The following DLC1 variants were observed in gnomAD, a reference collection of about 807,000 sequenced individuals.
The protein encoded by DLC1 is DLC1 Rho GTPase activating protein.
DLC1 carries 54 observed loss-of-function variants against 140.3 expected under a neutral mutation model. The ratio of observed to expected loss-of-function variants is 0.38; its 90% CI spans 0.31 to 0.48. DLC1 has a LOEUF of 0.48. Among genes scored for constraint, DLC1 ranks in the 20% least tolerant of loss-of-function variants. The pLI, the probability that DLC1 is intolerant of heterozygous loss-of-function variation, is 0.96. For missense variants in DLC1, 2,536 were observed against 1,907.0 expected, an observed-to-expected ratio of 1.33 and a Z score of -6.14; for synonymous variants, 986 against 728.1, an observed-to-expected ratio of 1.35 and a Z score of -5.70.
intron 1 of DLC1, among the ~76,000 whole-genome samples, chr8:13,506,393 C>A (rs1470047816): frequency 2.6e-5 from 4 of 151,312 alleles, no homozygotes; most frequent in Non-Finnish European, 1.5e-5. Flanking sequence ...CATAACAGTA[C>A]TGCCATTTTA....
chr8:13,312,386 A>AAAAAAAAAAAAATAAT (rs71207139), intron 4 of DLC1, among the ~76,000 whole-genome samples: 29 of 81,704 alleles, frequency 3.5e-4, no homozygotes, highest in Non-Finnish European at 5.3e-4. Context: ...AAAAAAAAAA[A>AAAAAAAAAAAAATAAT]AATAATTTCT....
intron 2 of DLC1, among the ~76,000 whole-genome samples, chr8:13,402,476 GCA>G (rs1837340420): frequency 6.6e-6 from 1 of 152,182 alleles, no homozygotes; most frequent in African/African-American, 2.4e-5. Flanking sequence ...ACTGTAGAAA[GCA>G]CAGTTAGGTT....
chr8:13,279,145 G>T (rs544791860), intron 5 of DLC1, among the ~76,000 whole-genome samples: 17 of 152,298 alleles, frequency 1.1e-4, no homozygotes, highest in Non-Finnish European at 2.5e-4. Flanking sequence ...AGGACCTAGG[G>T]TGTGGCAGAA....
intron 5 of DLC1, among the ~76,000 whole-genome samples, chr8:13,171,781 G>C (rs1002989562): frequency 6.6e-6 from 1 of 152,206 alleles, no homozygotes; most frequent in Non-Finnish European, 1.5e-5. Flanking sequence ...CTTGCGGAGG[G>C]TATAGCTAGA....
intron 5 of DLC1, among the ~76,000 whole-genome samples, chr8:13,278,124 G>C (rs1831240737): frequency 6.6e-6 from 1 of 152,200 alleles, no homozygotes; most frequent in South Asian, 2.1e-4. Flanking sequence ...CTTCATGGTA[G>C]ATATCCACGT....
chr8:13,258,300 C>G (rs1322417446), intron 5 of DLC1, among the ~76,000 whole-genome samples: 1 of 152,154 alleles, frequency 6.6e-6, no homozygotes, highest in Non-Finnish European at 1.5e-5. Context: ...TACTCTGAAT[C>G]TCTTGAAGTA....
chr8:13,527,234 T>C (rs949035271), intron 1 of DLC1, among the ~76,000 whole-genome samples: 2 of 152,200 alleles, frequency 1.3e-5, no homozygotes, highest in Non-Finnish European at 2.9e-5. Context: ...AAAATGTAGA[T>C]GATGTTGAAG....
At chr8:13,139,182 T>C (rs1204691611) in intron 5 of DLC1, among the ~76,000 whole-genome samples, 1 of 147,598 alleles carries the variant, frequency 6.8e-6, no homozygotes, top group Non-Finnish European at 1.5e-5. Flanking sequence ...CCCAGCTACT[T>C]GGGAGGCTGA....
At chr8:13,530,822 A>T (rs914681704) in intron 1 of DLC1, among the ~76,000 whole-genome samples, 1 of 152,206 alleles carries the variant, frequency 6.6e-6, no homozygotes, top group Admixed American at 6.5e-5. Context: ...TTCATTTCGG[A>T]GTCATGAAAT....
chr8:13,413,166 A>C (rs1837866313), intron 2 of DLC1, among the ~76,000 whole-genome samples: 1 of 151,482 alleles, frequency 6.6e-6, no homozygotes, highest in African/African-American at 2.4e-5. Context: ...CACTACACGA[A>C]GCTTTTCCAA....
rs1048997392 is a variant in DLC1, at chr8:13,382,364, G to A, written c.1314+11189C>T. Reference sequence around the variant, plus strand: ...CTACTAAAAATACAAAAAATTAGCCGGGCGAGGTGGCGGGCGCCTGTAGTC... The same window carrying A: ...CTACTAAAAATACAAAAAATTAGCCAGGCGAGGTGGCGGGCGCCTGTAGTC... On this transcript the variant is annotated intron_variant, in intron 4 of 17. Coordinates refer to ENST00000276297, the MANE Select transcript of DLC1 (RefSeq NM_182643.3). Among the ~76,000 whole-genome samples the A allele has an allele frequency of 1.3e-4, 20 of 151,080 alleles. No homozygotes were observed. In the East Asian group the frequency reaches 3.7e-3, roughly 28 times the overall value.
chr8:13,591,627 G>A (rs1428148536), intron 1 of DLC1, among the ~76,000 whole-genome samples: 4 of 152,126 alleles, frequency 2.6e-5, no homozygotes, highest in African/African-American at 7.2e-5. Context: ...ATAAATATTA[G>A]GAGTGTTTTT....
At chr8:13,277,110 C>A (rs190644429) in intron 5 of DLC1, among the ~76,000 whole-genome samples, 1 of 152,216 alleles carries the variant, frequency 6.6e-6, no homozygotes, top group African/African-American at 2.4e-5. Flanking sequence ...CACTTGAGGC[C>A]AGGAGCTTGA....
In DLC1 at chr8:13,099,910, G is replaced by A; in HGVS notation, c.2427C>T (p.Ile809=). Residue 809 remains isoleucine, a synonymous_variant, in exon 9 of 18, where the codon ATC becomes ATT. Transcript: ENST00000276297. ...AAGTGCCAGGCTTGTGATCTTCAGG[G>A]ATGTAGAACACCGTGTCCTCTGGGT... ...ESYPEDTVFY[I]PEDHKPGTFP... 6.2e-7 allele frequency: 1 copy of A among 1,614,058 alleles called. No individual in the cohort carries two copies.
intron 5 of DLC1, among the ~76,000 whole-genome samples, chr8:13,154,319 C>G (rs1397664890): frequency 6.6e-6 from 1 of 152,232 alleles, no homozygotes; most frequent in Non-Finnish European, 1.5e-5. Context: ...GAATGGCCGG[C>G]TGCAGGTCGG....
intron 5 of DLC1, among the ~76,000 whole-genome samples, chr8:13,167,884 A>G (rs574625129): frequency 1.3e-5 from 2 of 152,354 alleles, no homozygotes; most frequent in African/African-American, 4.8e-5. Context: ...AACTAAACTT[A>G]TTTTTAGACC....
chr8:13,555,085 G>T (rs548052490), intron 1 of DLC1, among the ~76,000 whole-genome samples: 5 of 152,210 alleles, frequency 3.3e-5, no homozygotes, highest in Admixed American at 6.5e-5. Context: ...ACTTTTGCTC[G>T]ATAACCTCAT....
intron 1 of DLC1, among the ~76,000 whole-genome samples, chr8:13,543,089 A>G (rs988094458): frequency 6.6e-6 from 1 of 152,154 alleles, no homozygotes; most frequent in Admixed American, 6.5e-5. Context: ...TTAACTATGA[A>G]AAGGGTCAAT....
At chr8:13,459,447 C>T (rs899088023) in intron 2 of DLC1, among the ~76,000 whole-genome samples, 1 of 152,164 alleles carries the variant, frequency 6.6e-6, no homozygotes, top group Admixed American at 6.5e-5. Flanking sequence ...TTTTTTCCCT[C>T]TCCTTCCTCG....
Sources: allele counts gnomAD v4.1 joint callset (sites outside exome capture counted in the v4.1 genomes callset), GRCh38; gene constraint gnomAD v4.1.1; transcripts MANE v1.5; gene names NCBI Gene and HGNC (gene_info 2026-07-23, HGNC 2026-07-21).